The following PLXNA4 variants were observed in gnomAD, a reference collection of about 807,000 sequenced individuals.
PLXNA4 encodes plexin-A4.
PLXNA4 carries 44 observed loss-of-function variants against 191.8 expected under a neutral mutation model. The observed-to-expected ratio is 0.23, with a 90% CI of 0.18 to 0.29. The LOEUF (loss-of-function observed/expected upper bound fraction) is 0.29. Ranked by LOEUF, PLXNA4 falls within the 10% of genes least tolerant of loss-of-function variation. The probability of loss-of-function intolerance (pLI) is 1.00; values close to 1 mark genes in which losing one functional copy is unlikely to be tolerated. For missense variants in PLXNA4, 1,800 were observed against 2,488.8 expected, an observed-to-expected ratio of 0.72 and a Z score of 5.89; for synonymous variants, 1,082 against 1,009.5, an observed-to-expected ratio of 1.07 and a Z score of -1.36.
chr7:132,124,803 A>T lies in PLXNA4; in HGVS notation c.*5676T>A, dbSNP rs919628886. On this transcript the variant is annotated 3_prime_UTR_variant, in exon 32 of 32. Transcript: ENST00000321063. ...AACCCAGGATTTTCAGCCTACCTGA[A>T]TCACCTCACTACCTCTGCCAATACA... 6.6e-6 allele frequency: 1 copy of T among 152,234 alleles called. No individual in the cohort carries two copies. Among genetic ancestry groups the T allele is most frequent in the Non-Finnish European group, 1.5e-5 (1 of 68,044 alleles). The allele number at this position is 152,234 out of a possible 1,614,324, so 9.4% of individuals were successfully genotyped here.
intron 1 of PLXNA4, among the ~76,000 whole-genome samples, chr7:132,566,074 C>T (rs897280006): frequency 1.3e-5 from 2 of 152,184 alleles, no homozygotes; most frequent in Non-Finnish European, 2.9e-5. Context: ...CTGATAGAAT[C>T]ACCAGTGCAA....
chr7:132,383,597 T>C (rs1804988559), intron 3 of PLXNA4: 2 of 984,376 alleles, frequency 2.0e-6, no homozygotes, highest in Non-Finnish European at 2.4e-6. Flanking sequence ...AGTTACAAGA[T>C]TGGCCTTTAT....
intron 5 of PLXNA4, among the ~76,000 whole-genome samples, chr7:132,230,846 A>G (rs1798501076): frequency 6.6e-6 from 1 of 152,252 alleles, no homozygotes; most frequent in South Asian, 2.1e-4. Context: ...TTATGAAGAG[A>G]GCGAAAAGCA....
chr7:132,509,069 G>A (rs1798605585), intron 1 of PLXNA4, among the ~76,000 whole-genome samples: 1 of 151,836 alleles, frequency 6.6e-6, no homozygotes. Flanking sequence ...TATCTACTGA[G>A]TGCCTGAATT....
intron 2 of PLXNA4, among the ~76,000 whole-genome samples, chr7:132,615,626 C>T (rs1585406893): frequency 6.6e-6 from 1 of 152,300 alleles, no homozygotes; most frequent in Middle Eastern, 3.4e-3. Flanking sequence ...CCTGCTTCTG[C>T]TCACCTCCCT....
intron 3 of PLXNA4, among the ~76,000 whole-genome samples, chr7:132,459,112 C>T (rs1316832025): frequency 6.6e-6 from 1 of 152,158 alleles, no homozygotes; most frequent in Non-Finnish European, 1.5e-5. Context: ...CACGACCGAA[C>T]CAGAGCCCGC....
chr7:132,276,714 G>C (rs776999417), intron 4 of PLXNA4, among the ~76,000 whole-genome samples: 2 of 152,056 alleles, frequency 1.3e-5, no homozygotes, highest in Non-Finnish European at 2.9e-5. Flanking sequence ...ATATTTCTAG[G>C]GGAAAAAGGA....
chr7:132,145,643 CTTTG>C (rs1174403201), intron 28 of PLXNA4: 3 of 285,616 alleles, frequency 1.1e-5, no homozygotes, highest in Admixed American at 9.9e-5. Flanking sequence ...AATCTGCTGG[CTTTG>C]TTTGGGCATT....
At chr7:132,385,294 AT>A (rs1286805235) in intron 3 of PLXNA4, 8 of 1,611,278 alleles carry the variant, frequency 5.0e-6, no homozygotes, top group Non-Finnish European at 6.8e-6. Context: ...GGTACCAGGC[AT>A]CTGGAAAAGA....
intron 2 of PLXNA4, among the ~76,000 whole-genome samples, chr7:132,619,975 T>C (rs1563196644): frequency 1.3e-5 from 2 of 152,216 alleles, no homozygotes; most frequent in Non-Finnish European, 2.9e-5. Context: ...TAATGCTTTT[T>C]GTATTTTTAG....
intron 3 of PLXNA4, among the ~76,000 whole-genome samples, chr7:132,424,529 A>T (rs1585116649): frequency 6.7e-6 from 1 of 150,258 alleles, no homozygotes; most frequent in South Asian, 2.1e-4. Context: ...GGTCAGTAGA[A>T]CCCCCCAGGC....
chr7:132,472,429 G>A (rs1440953609), intron 3 of PLXNA4, among the ~76,000 whole-genome samples: 1 of 151,924 alleles, frequency 6.6e-6, no homozygotes, highest in Non-Finnish European at 1.5e-5. Context: ...TTCCCTCCTT[G>A]GGCACAAATG....
At chr7:132,513,087 A>G (rs556981397) in intron 1 of PLXNA4, among the ~76,000 whole-genome samples, 2 of 152,326 alleles carry the variant, frequency 1.3e-5, no homozygotes, top group East Asian at 3.9e-4. Flanking sequence ...TTTAATTTTG[A>G]GTAGTCTCAG....
intron 2 of PLXNA4, among the ~76,000 whole-genome samples, chr7:132,602,884 A>G (rs1235935715): frequency 2.0e-5 from 3 of 151,984 alleles, no homozygotes; most frequent in Admixed American, 2.0e-4. Context: ...AGATCTCTCT[A>G]ATGCCATCGG....
intron 3 of PLXNA4, among the ~76,000 whole-genome samples, chr7:132,446,525 T>C (rs1447480164): frequency 5.9e-5 from 9 of 152,208 alleles, no homozygotes; most frequent in African/African-American, 2.2e-4. Context: ...AGACAATGCA[T>C]GAAATCTGAA....
In PLXNA4 at chr7:132,405,248, A is replaced by C. The variant is rs1347354527; in HGVS notation, c.1371+84044T>G. 2.0e-5 allele frequency among the ~76,000 whole-genome samples: 3 copies of C among 152,014 alleles called. No homozygotes were observed. In the East Asian group the frequency reaches 5.8e-4, roughly 29 times the overall value. On this transcript the variant is annotated intron_variant, in intron 3 of 31. Transcript: ENST00000321063. ...GTGGAGCCTGGGCCTTGGTGATTAAAAGTCTGGGTTTGAAATGGGCTACCG... is the reference window on the plus strand; with the variant it reads ...GTGGAGCCTGGGCCTTGGTGATTAACAGTCTGGGTTTGAAATGGGCTACCG...
intron 3 of PLXNA4, among the ~76,000 whole-genome samples, chr7:132,423,210 C>G (rs1032717573): frequency 6.6e-6 from 1 of 152,252 alleles, no homozygotes; most frequent in Non-Finnish European, 1.5e-5. Context: ...GTGCTGGGTA[C>G]TTTGCATTGC....
intron 3 of PLXNA4, among the ~76,000 whole-genome samples, chr7:132,364,602 T>C (rs1267647301): frequency 6.6e-6 from 1 of 152,216 alleles, no homozygotes; most frequent in Non-Finnish European, 1.5e-5. Flanking sequence ...GAGGGTCATT[T>C]AGCCCCCTTT....
chr7:132,140,958 G>A, intron 29 of PLXNA4, 147 bp from the exon 30 acceptor site: 1 of 1,402,200 alleles, frequency 7.1e-7, no homozygotes, highest in South Asian at 1.5e-5. Flanking sequence ...GATGTGCCAG[G>A]GAAGGGAGGT....
Sources: gnomAD v4.1 joint callset for allele counts (sites outside exome capture counted in the v4.1 genomes callset) on GRCh38, gnomAD v4.1.1 for gene constraint, MANE v1.5 for transcripts, NCBI Gene and HGNC (gene_info 2026-07-23, HGNC 2026-07-21) for gene names.